The following ADPRM variants were observed in gnomAD, a reference collection of about 807,000 sequenced individuals.
ADPRM encodes ADP-ribose/CDP-alcohol diphosphatase, manganese dependent, also known as manganese-dependent ADP-ribose/CDP-alcohol diphosphatase.
A neutral mutation model predicts 27.2 loss-of-function variants in ADPRM; 17 were observed. The observed-to-expected ratio is 0.63, with a 90% CI of 0.43 to 0.94. The LOEUF is 0.94. Among genes scored for constraint, ADPRM ranks in the 40% least tolerant of loss-of-function variants. The pLI is 0.00. For missense variants in ADPRM, 337 were observed against 412.8 expected (o/e 0.82, Z 1.59); for synonymous variants, 135 against 145.3 (o/e 0.93, Z 0.51).
intron 3 of ADPRM, among the ~76,000 whole-genome samples, chr17:10,707,226 T>C (rs2074818610): frequency 6.6e-6 from 1 of 151,950 alleles, no homozygotes; most frequent in African/African-American, 2.4e-5. Flanking sequence ...AAAAAAGAAA[T>C]TAGCAGGGCA....
rs2074807866 is a variant in ADPRM at position 10,705,622 on chromosome 17, G to A, written c.601+95G>A. 1.3e-6 allele frequency: 2 copies of A among 1,499,044 alleles called. No individual in the cohort carries two copies. The highest frequency in any genetic ancestry group is 4.2e-5 in the Admixed American group (2 of 48,130). The allele number at this position is 1,499,044 out of a possible 1,614,324, so 92.9% of individuals were successfully genotyped here. A position where few individuals can be genotyped will look rare whatever the true frequency, so the allele number is the denominator to read the frequency against. ...AGGAAGATGGACAATTAAGGTAAAA[G>A]TATATTGTCACTTGTTCAGGGTCAG... On this transcript the variant is annotated intron_variant, in intron 2 of 3. Transcript: ENST00000379774. The surrounding 1 kb of genome is among the most constrained non-coding windows in gnomAD (Gnocchi z 5.4).
rs1419739131 is a variant in ADPRM at position 10,702,446 on chromosome 17, CAT to C, written c.-17-2463_-17-2462del. On this transcript the variant is annotated intron_variant, in intron 1 of 3. Transcript: ENST00000379774. The surrounding 1 kb of genome is among the most constrained non-coding windows in gnomAD (Gnocchi z 4.2). ...AAGCCCAGGAGAATTTATGTGCTGA[CAT>C]GTGTAACTAAATGACCAGTGTTCTA... 6.6e-6 allele frequency among the ~76,000 whole-genome samples: 1 copy of C among 152,182 alleles called. No individual in the cohort carries two copies. Among genetic ancestry groups the C allele is most frequent in the Non-Finnish European group, 1.5e-5 (1 of 68,040 alleles).
chr17:10,710,168 C>A (rs984509610), intron 3 of ADPRM, among the ~76,000 whole-genome samples: 1 of 152,204 alleles, frequency 6.6e-6, no homozygotes. Context: ...GTGGTGTGAT[C>A]TTGGCTCACT....
chr17:10,705,185 A>G lies in ADPRM; in HGVS notation c.259A>G (p.Lys87Glu), dbSNP rs2151463292. 6.2e-7 allele frequency: 1 copy of G among 1,614,154 alleles called. No individual in the cohort carries two copies. The highest frequency in any genetic ancestry group is 8.5e-7 in the Non-Finnish European group (1 of 1,180,004). The change falls in exon 2 of 4, where the codon AAA becomes GAA. Residue 87 changes from lysine to glutamate, a missense_variant. By Grantham distance (56) the Lys-to-Glu change is moderately conservative (BLOSUM62 1). Transcript: ENST00000379774. This position sits in a 1 kb window ranked among gnomAD's most constrained non-coding sequence, Gnocchi z 5.4. ...ATATAATGCACAGTATAATGCATCCAAAAAGTCCCTAGAACTTGTTATGGA... is the reference window on the plus strand; with the variant it reads ...ATATAATGCACAGTATAATGCATCCGAAAAGTCCCTAGAACTTGTTATGGA... ...DGYNAQYNASKKSLELVMDMF... is the reference protein window; with the variant it reads ...DGYNAQYNASEKSLELVMDMF...
rs2520150 is a variant in ADPRM, at chr17:10,702,446, C to T, written c.-17-2464C>T. ...AAGCCCAGGAGAATTTATGTGCTGA[C>T]ATGTGTAACTAAATGACCAGTGTTC... On this transcript the variant is annotated intron_variant, in intron 1 of 3. Coordinates refer to ENST00000379774, the MANE Select transcript of ADPRM (RefSeq NM_020233.5). This position sits in a 1 kb window ranked among gnomAD's most constrained non-coding sequence, Gnocchi z 4.2. Among the ~76,000 whole-genome samples, 9,119 of 152,272 alleles carry T rather than the reference C, an allele frequency of 0.06. 885 individuals carry two copies. The highest frequency in any genetic ancestry group is 0.2 in the African/African-American group (8,354 of 41,504).
At chr17:10,698,545 GC>G (rs2074751759) in intron 1 of ADPRM, among the ~76,000 whole-genome samples, 1 of 152,146 alleles carries the variant, frequency 6.6e-6, no homozygotes, top group South Asian at 2.1e-4. Context: ...CTCCTGTGTG[GC>G]TTTTTTTTCC....
chr17:10,700,830 C>T (rs972974523), intron 1 of ADPRM, among the ~76,000 whole-genome samples: 1 of 151,748 alleles, frequency 6.6e-6, no homozygotes, highest in Non-Finnish European at 1.5e-5. Context: ...GGCTGCTTAT[C>T]CTGTACTATG....
chr17:10,700,181 CT>C (rs1207427179), intron 1 of ADPRM, among the ~76,000 whole-genome samples: 7 of 152,226 alleles, frequency 4.6e-5, no homozygotes, highest in South Asian at 4.1e-4. Flanking sequence ...AATCTCTAGA[CT>C]TTCCCTGCTG....
intron 1 of ADPRM, among the ~76,000 whole-genome samples, chr17:10,703,541 C>T (rs1350521873): frequency 8.2e-6 from 1 of 122,192 alleles, no homozygotes; most frequent in Non-Finnish European, 1.8e-5. Flanking sequence ...GAAAAGAGGC[C>T]CCTAATTCTC....
chr17:10,705,145 A>T lies in ADPRM; in HGVS notation c.219A>T (p.Gly73=). The T allele has an allele frequency of 1.2e-6, 2 of 1,614,148 alleles. No individual in the cohort carries two copies. Among genetic ancestry groups the T allele is most frequent in the Non-Finnish European group, 1.7e-6 (2 of 1,179,996 alleles). Residue 73 remains glycine (G), a synonymous_variant, in exon 2 of 4, where the codon GGA becomes GGT. Transcript: ENST00000379774. This position sits in a 1 kb window ranked among gnomAD's most constrained non-coding sequence, Gnocchi z 5.4. ...TGCCCTGTTGTGTCCTTCAGCTTGG[A>T]GATATCATCGATGGATATAATGCAC... ...SSMPCCVLQL[G]DIIDGYNAQY... is the part of the protein sequence containing the mutation.
chr17:10,710,498 C>T (rs965640693), intron 3 of ADPRM, among the ~76,000 whole-genome samples: 6 of 152,252 alleles, frequency 3.9e-5, no homozygotes, highest in African/African-American at 1.4e-4. Context: ...TGCCCAGTTT[C>T]AGGCTGCCTT....
At chr17:10,697,884 AAG>A in intron 1 of ADPRM, 1 of 295,686 alleles carries the variant, frequency 3.4e-6, no homozygotes, top group Non-Finnish European at 6.3e-6. Flanking sequence ...CCCACCTCGG[AAG>A]AGAGAACACA....
At chr17:10,706,406 T>C (rs2074812703) in intron 2 of ADPRM, 32 bp from the exon 3 acceptor site, 1 of 1,488,664 alleles carries the variant, frequency 6.7e-7, no homozygotes, top group Non-Finnish European at 9.2e-7. Context: ...GAAAAATGAC[T>C]TGATGGGGCT....
chr17:10,697,660 G>A lies in ADPRM; in HGVS notation c.-25G>A. ...TCAGAGGCCTTTCAGCCCAGGGGCC[G>A]GCGCACGGTAGGTAGTTCCCTGCGG... On this transcript the variant is annotated 5_prime_UTR_variant, in exon 1 of 4. Transcript: ENST00000379774. 3.1e-6 allele frequency: 3 copies of A among 958,056 alleles called. No homozygotes were observed. Among genetic ancestry groups the A allele is most frequent in the Non-Finnish European group, 4.8e-6 (3 of 621,116 alleles). 59.3% of individuals were successfully genotyped at this position (958,056 alleles called of 1,614,324 possible).
intron 2 of ADPRM, 27 bp from the exon 3 acceptor site, chr17:10,706,411 G>T (rs1229679011): frequency 6.6e-7 from 1 of 1,507,594 alleles, no homozygotes; most frequent in Non-Finnish European, 9.1e-7. Context: ...ATGACTTGAT[G>T]GGGCTAACTT....
chr17:10,704,943 A>G lies in ADPRM; in HGVS notation c.17A>G (p.Asn6Ser). 1 of 1,605,832 alleles carries G rather than the reference A, an allele frequency of 6.2e-7. No individual in the cohort carries two copies. Among genetic ancestry groups the G allele is most frequent in the South Asian group, 1.1e-5 (1 of 90,148 alleles). MDDKP[N>S]PEALSDSSER... ...TTGGAGGTTATGGATGATAAACCCA[A>G]TCCTGAAGCCCTAAGTGACAGTTCA... The change falls in exon 2 of 4, where the codon AAT becomes AGT. Residue 6 changes from asparagine to serine, a missense_variant. Asn to Ser is a conservative substitution (Grantham distance 46). Coordinates refer to ENST00000379774, the MANE Select transcript of ADPRM (RefSeq NM_020233.5).
intron 3 of ADPRM, 83 bp from the exon 4 acceptor site, chr17:10,710,751 T>C: frequency 1.5e-6 from 2 of 1,336,372 alleles, no homozygotes; most frequent in Non-Finnish European, 2.1e-6. Context: ...TTTCTTTTTC[T>C]GAGTACTAGC....
intron 3 of ADPRM, among the ~76,000 whole-genome samples, chr17:10,708,322 G>A (rs929621092): frequency 1.1e-4 from 16 of 151,176 alleles, no homozygotes; most frequent in Admixed American, 2.6e-4. Flanking sequence ...CCAGCTACTC[G>A]GGAGGCTGAG....
intron 1 of ADPRM, 56 bp downstream of exon 1, chr17:10,697,723 G>A (rs1397578197): frequency 1.1e-5 from 7 of 655,556 alleles, no homozygotes; most frequent in Non-Finnish European, 1.8e-5. Flanking sequence ...CGGTGCTGCG[G>A]GGCCGCGGGA....
Sources: allele counts gnomAD v4.1 joint callset (sites outside exome capture counted in the v4.1 genomes callset), GRCh38; gene constraint gnomAD v4.1.1; non-coding constraint Gnocchi (gnomAD v3.1); transcripts MANE v1.5; gene names NCBI Gene and HGNC (gene_info 2026-07-23, HGNC 2026-07-21).